Variants in TET1 observed in about 807,000 individuals in gnomAD.
The protein encoded by TET1 is methylcytosine dioxygenase TET1.
TET1 carries 13 observed loss-of-function variants against 148.7 expected under a neutral mutation model. The observed-to-expected ratio is 0.09, with a 90% CI of 0.06 to 0.14. The LOEUF is 0.14. Among genes scored for constraint, TET1 ranks in the 10% least tolerant of loss-of-function variants. TET1 has a pLI of 1.00. For synonymous variants in TET1, 907 were observed against 937.2 expected, an observed-to-expected ratio of 0.97 and a Z score of 0.59; for missense variants, 2,182 against 2,553.8, an observed-to-expected ratio of 0.85 and a Z score of 3.14.
At chr10:68,608,626 CG>C (rs1194435374) in intron 3 of TET1, among the ~76,000 whole-genome samples, 1 of 152,122 alleles carries the variant, frequency 6.6e-6, no homozygotes, top group Non-Finnish European at 1.5e-5. Flanking sequence ...CCTCCACCTC[CG>C]GGGTTCAAGT....
rs117005483 is a variant in TET1, at chr10:68,675,295, G to T, written c.4824+2250G>T. On this transcript the variant is annotated intron_variant, in intron 8 of 11. Transcript: ENST00000373644. Reference sequence around the variant, plus strand: ...TACTTACTTGTAACATGCCTGAATGGGGTCTAGTTTGATGCACTAAGAAGG... The same window carrying T: ...TACTTACTTGTAACATGCCTGAATGTGGTCTAGTTTGATGCACTAAGAAGG... Among the ~76,000 whole-genome samples the T allele has an allele frequency of 4.1e-3, 627 of 152,210 alleles. 3 individuals carry two copies. Among genetic ancestry groups the T allele is most frequent in the Non-Finnish European group, 7.2e-3 (489 of 68,008 alleles).
chr10:68,567,779 A>G (rs940110625), intron 1 of TET1, among the ~76,000 whole-genome samples: 2 of 151,986 alleles, frequency 1.3e-5, no homozygotes, highest in East Asian at 1.9e-4. Flanking sequence ...AAATCATAGA[A>G]TCAAGACTGT....
intron 2 of TET1, among the ~76,000 whole-genome samples, chr10:68,574,559 T>A (rs2795903): frequency 6.6e-6 from 1 of 152,106 alleles, no homozygotes; most frequent in South Asian, 2.1e-4. Flanking sequence ...ATGAAATGTG[T>A]TTTTGCAGAG....
At chr10:68,682,782 G>A (rs1472588648) in intron 9 of TET1, 54 bp from the exon 10 acceptor site, 5 of 1,556,180 alleles carry the variant, frequency 3.2e-6, no homozygotes, top group Non-Finnish European at 4.3e-6. Context: ...CTTTACTGAA[G>A]GTAGGTGATT....
intron 7 of TET1, among the ~76,000 whole-genome samples, chr10:68,672,487 C>CAAAAAAAAAAAAAAAA (rs71483920): frequency 8.0e-5 from 4 of 49,734 alleles, no homozygotes; most frequent in African/African-American, 2.8e-4. Context: ...GACCCCATCT[C>CAAAAAAAAAAAAAAAA]AAAAAAAAAA....
At chr10:68,680,987 ACT>A (rs556275450) in intron 8 of TET1, among the ~76,000 whole-genome samples, 66 of 152,138 alleles carry the variant, frequency 4.3e-4, no homozygotes, top group South Asian at 8.3e-4. Context: ...TTATGTATGT[ACT>A]CTCTCTTCTC....
At chr10:68,632,714 G>A in intron 3 of TET1, 2 of 1,608,010 alleles carry the variant, frequency 1.2e-6, no homozygotes, top group South Asian at 2.2e-5. Flanking sequence ...CACAACGGCG[G>A]CAGCAGCAAT....
chr10:68,651,294 C>CA (rs996651252), intron 4 of TET1, among the ~76,000 whole-genome samples: 137 of 148,496 alleles, frequency 9.2e-4, no homozygotes, highest in Middle Eastern at 3.5e-3. Flanking sequence ...CTAAAAAATA[C>CA]AAAAAAAAAA....
Position 68,667,033 on chromosome 10 carries a change from C to A in TET1, c.4462-12C>A, listed in dbSNP as rs369915297. 9.9e-6 allele frequency: 16 copies of A among 1,611,044 alleles called. No individual in the cohort carries two copies. In the African/African-American group the frequency reaches 1.9e-4, roughly 19 times the overall value. On this transcript the variant is annotated splice_polypyrimidine_tract_variant and intron_variant, in intron 6 of 11. Coordinates refer to ENST00000373644, the MANE Select transcript of TET1 (RefSeq NM_030625.3). Reference sequence around the variant, plus strand: ...CTTGTCTTCCATAGATGAATGTATTCTGTTTTTTCAGGTTTTAAGAAGAAG... The same window carrying A: ...CTTGTCTTCCATAGATGAATGTATTATGTTTTTTCAGGTTTTAAGAAGAAG...
chr10:68,666,411 A>G (rs1472435), intron 6 of TET1, among the ~76,000 whole-genome samples: 136,396 of 152,162 alleles, frequency 0.9, 61,568 homozygotes, highest in East Asian at 0.98. Context: ...AAAAGCCATA[A>G]CATTCCTCAG....
intron 2 of TET1, among the ~76,000 whole-genome samples, chr10:68,575,050 C>T (rs1438021848): frequency 6.6e-6 from 1 of 152,166 alleles, no homozygotes; most frequent in East Asian, 1.9e-4. Flanking sequence ...ATGTTTATTA[C>T]ATCTACTATG....
Position 68,686,635 on chromosome 10 carries a change from A to G in TET1, c.5332A>G (p.Ile1778Val), listed in dbSNP as rs2055514532. 6.2e-7 allele frequency: 1 copy of G among 1,614,198 alleles called. No homozygotes were observed. Among genetic ancestry groups the G allele is most frequent in the Non-Finnish European group, 8.5e-7 (1 of 1,180,036 alleles). ...GATAAGGGCAGTGGAAAAGAAACCT[A>G]TTCCCCGAATCAAGCGGAAGAATAA... ...HKIRAVEKKP[I>V]PRIKRKNNST... Residue 1778 changes from isoleucine (I) to valine (V), a missense_variant, in exon 11 of 12, where the codon ATT becomes GTT. Physicochemically the swap from Ile to Val is conservative, Grantham distance 29. Around this residue, in one of 11 missense-constraint regions of TET1, gnomAD observed 380 missense variants for 387.9 expected, o/e 0.98. Transcript: ENST00000373644.
At chr10:68,680,540 G>A (rs1272062648) in intron 8 of TET1, among the ~76,000 whole-genome samples, 1 of 152,170 alleles carries the variant, frequency 6.6e-6, no homozygotes, top group African/African-American at 2.4e-5. Context: ...GAGGTGTGGA[G>A]TTTCACCAAG....
intron 3 of TET1, among the ~76,000 whole-genome samples, chr10:68,602,813 GA>G (rs1337263602): frequency 3.3e-5 from 5 of 151,792 alleles, no homozygotes; most frequent in Admixed American, 3.3e-4. Context: ...ATTCTAAAAG[GA>G]AAAAAAATTT....
chr10:68,641,500 A>ATTTT (rs1047655221), intron 3 of TET1, among the ~76,000 whole-genome samples: 3 of 130,868 alleles, frequency 2.3e-5, no homozygotes, highest in African/African-American at 8.8e-5. Flanking sequence ...TTATTTATTT[A>ATTTT]ATTTTATTTT....
At chr10:68,658,379 T>A (rs1305139756) in intron 6 of TET1, among the ~76,000 whole-genome samples, 1 of 152,098 alleles carries the variant, frequency 6.6e-6, no homozygotes, top group Non-Finnish European at 1.5e-5. Flanking sequence ...CCTCAAGTAA[T>A]CCACCCTCCT....
In TET1 at chr10:68,690,955, C is replaced by A. The variant is rs771425355; in HGVS notation, c.5552C>A (p.Ser1851Tyr). The part of the protein sequence containing the change: ...VKEASPGFSW[S>Y]PKTASATPAP... Reference sequence around the variant, plus strand: ...GAGGCATCTCCAGGCTTCTCCTGGTCCCCGAAGACTGCTTCAGCCACACCA... The same window carrying A: ...GAGGCATCTCCAGGCTTCTCCTGGTACCCGAAGACTGCTTCAGCCACACCA... Residue 1851 changes from serine (S) to tyrosine (Y), a missense_variant, in exon 12 of 12, where the codon TCC (serine) becomes TAC (tyrosine). Ser to Tyr is a moderately radical substitution (Grantham distance 144). Coordinates refer to ENST00000373644, the MANE Select transcript of TET1 (RefSeq NM_030625.3). 2 of 1,614,206 alleles carry A rather than the reference C, an allele frequency of 1.2e-6. No individual in the cohort carries two copies. Among genetic ancestry groups the A allele is most frequent in the Non-Finnish European group, 8.5e-7 (1 of 1,180,042 alleles).
intron 11 of TET1, 64 bp from the exon 12 acceptor site, chr10:68,690,744 T>C: frequency 6.7e-7 from 1 of 1,490,824 alleles, no homozygotes; most frequent in Non-Finnish European, 9.0e-7. Flanking sequence ...GAAAATACTT[T>C]TTAAAAGGCA....
intron 9 of TET1, 82 bp downstream of exon 9, chr10:68,681,570 C>A: frequency 1.1e-6 from 1 of 897,490 alleles, no homozygotes; most frequent in Middle Eastern, 2.8e-4. Context: ...AGTACAGTGG[C>A]ATGATCAAAG....
Sources: allele counts gnomAD v4.1 joint callset (sites outside exome capture counted in the v4.1 genomes callset), GRCh38; gene constraint gnomAD v4.1.1; regional missense constraint gnomAD v4.1.1; transcripts MANE v1.5; gene names NCBI Gene and HGNC (gene_info 2026-07-23, HGNC 2026-07-21).